Variants in ANKRD12 observed in about 807,000 individuals in gnomAD.
The protein encoded by ANKRD12 is ankyrin repeat domain-containing protein 12.
Under a neutral mutation model 183.4 loss-of-function variants are expected in ANKRD12, and 85 were observed. That is an observed-to-expected ratio of 0.46 (90% CI 0.39 to 0.56). The LOEUF is 0.56. Among genes scored for constraint, ANKRD12 ranks in the 20% least tolerant of loss-of-function variants. The pLI is 0.00. For synonymous variants in ANKRD12, 914 were observed against 800.2 expected, an observed-to-expected ratio of 1.14 and a Z score of -2.40; for missense variants, 2,405 against 2,357.1, an observed-to-expected ratio of 1.02 and a Z score of -0.42.
intron 2 of ANKRD12, among the ~76,000 whole-genome samples, chr18:9,183,590 C>G (rs1282359023): frequency 6.6e-6 from 1 of 152,136 alleles, no homozygotes; most frequent in East Asian, 1.9e-4. Flanking sequence ...TGTGATCTTA[C>G]TCAATTATTA....
At chr18:9,150,067 T>C (rs2078635147) in intron 1 of ANKRD12, among the ~76,000 whole-genome samples, 1 of 152,176 alleles carries the variant, frequency 6.6e-6, no homozygotes, top group South Asian at 2.1e-4. Flanking sequence ...GTGCTGGGAA[T>C]ACAGGAGTGA....
At chr18:9,271,388 G>A (rs1238096797) in intron 10 of ANKRD12, among the ~76,000 whole-genome samples, 3 of 152,172 alleles carry the variant, frequency 2.0e-5, no homozygotes, top group Admixed American at 6.5e-5. Flanking sequence ...AGACGGGTGT[G>A]GCGGCACACG....
Position 9,182,365 on chromosome 18 carries a change from A to G in ANKRD12, c.-51-17A>G, listed in dbSNP as rs376838528. 7 of 1,009,392 alleles carry G rather than the reference A, an allele frequency of 6.9e-6. No individual in the cohort carries two copies. The highest frequency in any genetic ancestry group is 6.1e-5 in the South Asian group (4 of 65,884). The allele number at this position is 1,009,392 out of a possible 1,614,324, so 62.5% of individuals were successfully genotyped here. On this transcript the variant is annotated splice_polypyrimidine_tract_variant and intron_variant, in intron 1 of 12. Transcript: ENST00000262126. ...GTATATATATTCAAATAACCCTTATATATCTATTCTTTACAGATCCAGGAT... is the reference window on the plus strand; with the variant it reads ...GTATATATATTCAAATAACCCTTATGTATCTATTCTTTACAGATCCAGGAT...
chr18:9,258,720 A>C lies in ANKRD12; in HGVS notation c.5453A>C (p.Asp1818Ala). ...KTQQSLAAIV[D>A]SLKLDEIQPY... ...CAGCAATCTCTGGCAGCCATTGTAG[A>C]TTCTCTAAAACTAGATGAGATTCAG... Residue 1818 changes from aspartate (D) to alanine (A), a missense_variant, in exon 9 of 13, where the codon GAT becomes GCT. By Grantham distance (126) the Asp-to-Ala change is moderately radical. Around this residue, in one of 7 missense-constraint regions of ANKRD12, gnomAD observed 1,983 missense variants for 1,725.9 expected, o/e 1.15. Transcript: ENST00000262126. 1 of 1,613,920 alleles carries C rather than the reference A, an allele frequency of 6.2e-7. No homozygotes were observed. The highest frequency in any genetic ancestry group is 8.5e-7 in the Non-Finnish European group (1 of 1,179,898).
At chr18:9,193,682 A>AT (rs1363659707) in intron 2 of ANKRD12, among the ~76,000 whole-genome samples, 1 of 151,910 alleles carries the variant, frequency 6.6e-6, no homozygotes, top group East Asian at 1.9e-4. Context: ...TCCCTCCTTT[A>AT]TTTTTCATCT....
In ANKRD12 at chr18:9,254,430, A is replaced by G; in HGVS notation, c.1163A>G (p.Glu388Gly). 1 of 1,584,720 alleles carries G rather than the reference A, an allele frequency of 6.3e-7. No homozygotes were observed. The highest frequency in any genetic ancestry group is 8.5e-7 in the Non-Finnish European group (1 of 1,170,136). Residue 388 changes from glutamate to glycine, a missense_variant, in exon 9 of 13, where the codon GAA (glutamate) becomes GGA (glycine). Physicochemically the swap from Glu to Gly is moderately conservative, Grantham distance 98. Around this residue, in one of 7 missense-constraint regions of ANKRD12, gnomAD observed 1,983 missense variants for 1,725.9 expected, o/e 1.15. Coordinates refer to ENST00000262126, the MANE Select transcript of ANKRD12 (RefSeq NM_015208.5). Reference protein sequence around the residue: ...RHILRKEQRKENEPEAEKTHL... With the variant: ...RHILRKEQRKGNEPEAEKTHL... ...ATTCTTAGGAAAGAACAACGAAAAGAAAATGAACCTGAAGCAGAAAAAACT... is the reference window on the plus strand; with the variant it reads ...ATTCTTAGGAAAGAACAACGAAAAGGAAATGAACCTGAAGCAGAAAAAACT...
chr18:9,259,664 A>G (rs1291302289), intron 9 of ANKRD12: 1 of 152,174 alleles, frequency 6.6e-6, no homozygotes, highest in African/African-American at 2.4e-5. Context: ...TGTAGTGGGA[A>G]GTTTTTTTAA....
Position 9,281,967 on chromosome 18 carries a change from C to T in ANKRD12, c.*841C>T, listed in dbSNP as rs982896681. 8 of 152,578 alleles carry T rather than the reference C, an allele frequency of 5.2e-5. No homozygotes were observed. Among genetic ancestry groups the T allele is most frequent in the African/African-American group, 1.9e-4 (8 of 41,434 alleles). 9.5% of individuals were successfully genotyped at this position (152,578 alleles called of 1,614,324 possible). ...GTGTAAGGCATTTCATACTAGTCTC[C>T]TCTAGTAGACCTGTGACTTACTGTG... On this transcript the variant is annotated 3_prime_UTR_variant, in exon 13 of 13. Coordinates refer to ENST00000262126, the MANE Select transcript of ANKRD12 (RefSeq NM_015208.5).
At chr18:9,205,207 TAAAATA>T (rs2035412233) in intron 4 of ANKRD12, among the ~76,000 whole-genome samples, 1 of 150,988 alleles carries the variant, frequency 6.6e-6, no homozygotes, top group Non-Finnish European at 1.5e-5. Context: ...TGTGTCCTCT[TAAAATA>T]AAGAGTAAAT....
In ANKRD12 at chr18:9,257,259, A is replaced by T; in HGVS notation, c.3992A>T (p.Asn1331Ile). 6 of 1,614,164 alleles carry T rather than the reference A, an allele frequency of 3.7e-6. No homozygotes were observed. The highest frequency in any genetic ancestry group is 5.1e-6 in the Non-Finnish European group (6 of 1,180,002). ...KQFQTISEES[N>I]QGSLLTVPGD... ...TTCCAAACAATATCAGAAGAGAGCA[A>T]TCAAGGTAGCTTATTAACTGTGCCA... Residue 1331 changes from asparagine to isoleucine, a missense_variant, in exon 9 of 13, where the codon AAT (asparagine) becomes ATT (isoleucine). Asn to Ile is a moderately radical substitution (Grantham distance 149, BLOSUM62 -3). Transcript: ENST00000262126.
chr18:9,274,539 A>G (rs1372551695), intron 10 of ANKRD12, among the ~76,000 whole-genome samples: 3 of 152,228 alleles, frequency 2.0e-5, no homozygotes, highest in Non-Finnish European at 4.4e-5. Flanking sequence ...TACTAGGAGC[A>G]TAGAGGAAGG....
At chr18:9,239,960 C>T (rs1334280825) in intron 8 of ANKRD12, among the ~76,000 whole-genome samples, 4 of 152,140 alleles carry the variant, frequency 2.6e-5, no homozygotes, top group African/African-American at 9.7e-5. Flanking sequence ...CTGTTTGTTA[C>T]CAGCCCTCAA....
At chr18:9,145,457 C>T (rs1442141202) in intron 1 of ANKRD12, among the ~76,000 whole-genome samples, 2 of 152,192 alleles carry the variant, frequency 1.3e-5, no homozygotes, top group African/African-American at 2.4e-5. Context: ...AAACAAAATA[C>T]ACACATAATC....
In ANKRD12 at chr18:9,256,289, C is replaced by A. The variant is rs754220111; in HGVS notation, c.3022C>A (p.Pro1008Thr). Reference protein sequence around the residue: ...LSLKEKTKDEPLKTPDGKEKD... With the variant: ...LSLKEKTKDETLKTPDGKEKD... Reference sequence around the variant, plus strand: ...CCTTAAAGAAAAAACAAAAGATGAACCTTTGAAAACTCCAGATGGAAAAGA... The same window carrying A: ...CCTTAAAGAAAAAACAAAAGATGAAACTTTGAAAACTCCAGATGGAAAAGA... The change falls in exon 9 of 13, where the codon CCT becomes ACT. Residue 1008 changes from proline (P) to threonine (T), a missense_variant. Physicochemically the swap from Pro to Thr is conservative, Grantham distance 38 (BLOSUM62 -1). Around this residue, in one of 7 missense-constraint regions of ANKRD12, gnomAD observed 1,983 missense variants for 1,725.9 expected, o/e 1.15. Transcript: ENST00000262126. The A allele has an allele frequency of 6.2e-7, 1 of 1,603,422 alleles. No individual in the cohort carries two copies. Among genetic ancestry groups the A allele is most frequent in the Non-Finnish European group, 8.5e-7 (1 of 1,176,496 alleles).
At chr18:9,194,323 ATAATT>A (rs2034637186) in intron 2 of ANKRD12, among the ~76,000 whole-genome samples, 1 of 137,792 alleles carries the variant, frequency 7.3e-6, no homozygotes, top group Non-Finnish European at 1.5e-5. Context: ...ACTGATATAG[ATAATT>A]TTATTTATTT....
chr18:9,197,053 C>T (rs1219840331), intron 3 of ANKRD12, among the ~76,000 whole-genome samples: 2 of 151,528 alleles, frequency 1.3e-5, no homozygotes, highest in African/African-American at 2.4e-5. Flanking sequence ...GATAGCTGTT[C>T]GAAAAATGGA....
intron 8 of ANKRD12, among the ~76,000 whole-genome samples, chr18:9,227,853 C>T (rs1598620739): frequency 6.6e-6 from 1 of 152,110 alleles, no homozygotes; most frequent in African/African-American, 2.4e-5. Flanking sequence ...ATACATAATA[C>T]TGTTGCTAAG....
At chr18:9,151,344 A>G (rs1458325664) in intron 1 of ANKRD12, among the ~76,000 whole-genome samples, 1 of 152,254 alleles carries the variant, frequency 6.6e-6, no homozygotes, top group African/African-American at 2.4e-5. Context: ...AAAACATCTA[A>G]TAATTTATCA....
At position 9,157,541 on chromosome 18, in the gene ANKRD12, G is replaced by GTGGGTGTGTA. The variant is rs1216557499; in HGVS notation, c.-52+20578_-52+20579insGGTGTGTATG. Among the ~76,000 whole-genome samples the GTGGGTGTGTA allele has an allele frequency of 1.6e-4, 20 of 127,322 alleles. 1 individual carries two copies. Among genetic ancestry groups the GTGGGTGTGTA allele is most frequent in the Non-Finnish European group, 2.6e-4 (16 of 62,644 alleles). 83.5% of individuals were successfully genotyped at this position (127,322 alleles called of 152,430 possible). A position where few individuals can be genotyped will look rare whatever the true frequency, so the allele number is the denominator to read the frequency against. ...TATAGTTAAAATGGTAAATTTTATG[G>GTGGGTGTGTA]TGTGTGTGGGTGTGTGTGTGTGTGT... On this transcript the variant is annotated intron_variant, in intron 1 of 12. Transcript: ENST00000262126.
Sources: allele counts gnomAD v4.1 joint callset (sites outside exome capture counted in the v4.1 genomes callset), GRCh38; gene constraint gnomAD v4.1.1; regional missense constraint gnomAD v4.1.1; transcripts MANE v1.5; gene names NCBI Gene and HGNC (gene_info 2026-07-23, HGNC 2026-07-21).